Variants in DAB1 observed in about 807,000 individuals in gnomAD.
DAB1 encodes DAB adaptor protein 1, also known as disabled homolog 1.
In DAB1, 15 loss-of-function variants were observed where a neutral mutation model predicts 64.6. That is an observed-to-expected ratio of 0.23 (90% CI 0.16 to 0.36). DAB1 has a LOEUF of 0.36. Among genes scored for constraint, DAB1 ranks in the 10% least tolerant of loss-of-function variants. The pLI is 1.00. For missense variants in DAB1, 596 were observed against 706.7 expected, an observed-to-expected ratio of 0.84 and a Z score of 1.78; for synonymous variants, 235 against 251.9, an observed-to-expected ratio of 0.93 and a Z score of 0.64.
intron 7 of DAB1, among the ~76,000 whole-genome samples, chr1:57,573,093 T>A (rs1645211366): frequency 6.6e-6 from 1 of 152,150 alleles, no homozygotes; most frequent in Admixed American, 6.5e-5. Flanking sequence ...TTTTGGTTTT[T>A]GGTGTTTTTT....
intron 4 of DAB1, among the ~76,000 whole-genome samples, chr1:58,251,791 T>G (rs1017286076): frequency 6.6e-6 from 1 of 152,152 alleles, no homozygotes; most frequent in Admixed American, 6.5e-5. Flanking sequence ...GGAAAGAGTG[T>G]GATTTTTATT....
intron 2 of DAB1, among the ~76,000 whole-genome samples, chr1:57,209,438 C>T (rs1665838027): frequency 6.6e-6 from 1 of 152,202 alleles, no homozygotes; most frequent in Admixed American, 6.5e-5. Flanking sequence ...GGGATAAAAG[C>T]TTCCAGTGAA....
At chr1:58,045,022 A>C (rs1647208795) in intron 5 of DAB1, among the ~76,000 whole-genome samples, 1 of 152,222 alleles carries the variant, frequency 6.6e-6, no homozygotes. Flanking sequence ...TCTACTATAC[A>C]GAATGGGCTT....
At chr1:57,925,985 G>T (rs775785405) in intron 5 of DAB1, among the ~76,000 whole-genome samples, 4 of 152,152 alleles carry the variant, frequency 2.6e-5, no homozygotes, top group Non-Finnish European at 5.9e-5. Context: ...TCATATGGGA[G>T]GTCCATTTCT....
intron 2 of DAB1, among the ~76,000 whole-genome samples, chr1:57,168,715 C>T (rs943810339): frequency 1.3e-5 from 2 of 152,102 alleles, no homozygotes; most frequent in African/African-American, 4.8e-5. Context: ...CAGGCTTTAC[C>T]AAATGCCCCT....
intron 5 of DAB1, among the ~76,000 whole-genome samples, chr1:58,038,986 C>G (rs1398929158): frequency 6.6e-6 from 1 of 152,110 alleles, no homozygotes; most frequent in Non-Finnish European, 1.5e-5. Flanking sequence ...CTTGCCTTCC[C>G]TAGGGAGCCT....
chr1:58,075,360 T>C (rs889167992), intron 5 of DAB1, among the ~76,000 whole-genome samples: 1 of 152,192 alleles, frequency 6.6e-6, no homozygotes, highest in Non-Finnish European at 1.5e-5. Context: ...CTTTTTTGGC[T>C]AATGAAATTG....
intron 5 of DAB1, among the ~76,000 whole-genome samples, chr1:57,926,829 T>A (rs188595918): frequency 6.6e-6 from 1 of 152,304 alleles, no homozygotes. Flanking sequence ...TAGGAAAGCT[T>A]CCCACTCAGC....
intron 1 of DAB1, among the ~76,000 whole-genome samples, chr1:57,867,731 C>T (rs1323516804): frequency 6.6e-6 from 1 of 152,106 alleles, no homozygotes; most frequent in African/African-American, 2.4e-5. Context: ...ATGGCTTGCC[C>T]AAGTTTGCAC....
chr1:57,622,719 GC>G (rs1645875025), intron 7 of DAB1, among the ~76,000 whole-genome samples: 1 of 152,184 alleles, frequency 6.6e-6, no homozygotes, highest in Non-Finnish European at 1.5e-5. Context: ...TAAGCATTTT[GC>G]TGCTCCATCG....
chr1:57,063,181 A>T (rs1401675510), intron 8 of DAB1, among the ~76,000 whole-genome samples: 1 of 152,042 alleles, frequency 6.6e-6, no homozygotes, highest in African/African-American at 2.4e-5. Flanking sequence ...CGTCTCTGCC[A>T]TTGGGCTTCT....
At chr1:57,303,525 G>T (rs997018410) in intron 1 of DAB1, among the ~76,000 whole-genome samples, 3 of 152,180 alleles carry the variant, frequency 2.0e-5, no homozygotes, top group Non-Finnish European at 2.9e-5. Context: ...GAATTTGTCA[G>T]TTCAGACTCT....
intron 1 of DAB1, among the ~76,000 whole-genome samples, chr1:57,388,740 C>T (rs1309620220): frequency 2.0e-5 from 3 of 152,188 alleles, no homozygotes; most frequent in African/African-American, 4.8e-5. Flanking sequence ...TCTCACAGCT[C>T]GTTTCCCCTT....
intron 6 of DAB1, among the ~76,000 whole-genome samples, chr1:57,698,154 A>G (rs1646866966): frequency 6.6e-6 from 1 of 150,920 alleles, no homozygotes; most frequent in Non-Finnish European, 1.5e-5. Context: ...TGGCACAATC[A>G]TGGCTCACTG....
chr1:57,990,636 C>A lies in DAB1; in HGVS notation n.388-106474G>T, dbSNP rs1646320341. Among the ~76,000 whole-genome samples the A allele has an allele frequency of 2.6e-5, 4 of 152,126 alleles. No individual in the cohort carries two copies. In the South Asian group the frequency reaches 6.2e-4, roughly 24 times the overall value. ...ACAAGGCCTGTTGCTGCCTTTCCCC[C>A]AGAGGTCCAGACTGAGGACGGGACA... On this transcript the variant is annotated intron_variant and non_coding_transcript_variant, in intron 5 of 20. Coordinates refer to the DAB1 transcript ENST00000485760.
intron 4 of DAB1, among the ~76,000 whole-genome samples, chr1:58,209,969 C>A (rs1311555688): frequency 2.0e-5 from 3 of 152,084 alleles, no homozygotes; most frequent in African/African-American, 7.2e-5. Flanking sequence ...TCATTTGAAG[C>A]CTTTACTAAC....
chr1:58,317,715 C>T (rs912823472), intron 4 of DAB1, among the ~76,000 whole-genome samples: 1 of 152,236 alleles, frequency 6.6e-6, no homozygotes, highest in African/African-American at 2.4e-5. Flanking sequence ...CTGATTTTGC[C>T]TGGTGAGTCC....
rs915891964 is a variant in DAB1 at position 57,066,271 on chromosome 1, C to T, written c.663+3089G>A. 2.8e-4 allele frequency among the ~76,000 whole-genome samples: 43 copies of T among 152,178 alleles called. 1 individual carries two copies. Among genetic ancestry groups the T allele is most frequent in the African/African-American group, 1.0e-3 (42 of 41,442 alleles). The stretch of plus-strand genomic sequence containing the variant: ...CTAGATTTAGAATCAGAGGTTCTGA[C>T]CTTGTATTCAGCACCTCAATTGGGG... On this transcript the variant is annotated intron_variant, in intron 8 of 14. Coordinates refer to ENST00000371236, the MANE Select transcript of DAB1 (RefSeq NM_001365792.1).
At chr1:57,469,837 G>T (rs369323788) in intron 7 of DAB1, among the ~76,000 whole-genome samples, 1 of 152,136 alleles carries the variant, frequency 6.6e-6, no homozygotes. Flanking sequence ...CTGTAGATTT[G>T]ATTTCCTTCT....
Sources: gnomAD v4.1 joint callset for allele counts (sites outside exome capture counted in the v4.1 genomes callset) on GRCh38, gnomAD v4.1.1 for gene constraint, MANE v1.5 for transcripts, NCBI Gene and HGNC (gene_info 2026-07-23, HGNC 2026-07-21) for gene names.